EREG: variants seen among roughly 807,000 people sequenced by gnomAD.
The protein encoded by EREG is epiregulin, also known as proepiregulin.
In EREG, 23 loss-of-function variants were observed where a neutral mutation model predicts 22.4. That is an observed-to-expected ratio of 1.03 (90% CI 0.74 to 1.46). The LOEUF (loss-of-function observed/expected upper bound fraction) is 1.46, where lower values mean the gene tolerates loss of function less well. Among genes scored for constraint, EREG ranks in the 40% most tolerant of loss-of-function variants. The probability of loss-of-function intolerance (pLI) is 0.00; values close to 1 mark genes in which losing one functional copy is unlikely to be tolerated. For missense variants in EREG, 226 were observed against 205.9 expected (o/e 1.10, Z -0.60); for synonymous variants, 100 against 75.4 (o/e 1.33, Z -1.69).
intron 1 of EREG, among the ~76,000 whole-genome samples, chr4:74,370,026 G>A (rs867676692): frequency 6.6e-5 from 10 of 152,100 alleles, no homozygotes; most frequent in Non-Finnish European, 1.3e-4. Context: ...TTTTACAAAT[G>A]AGGAAACAGG....
intron 4 of EREG, among the ~76,000 whole-genome samples, chr4:74,383,887 G>C (rs988825588): frequency 2.0e-5 from 3 of 152,058 alleles, no homozygotes; most frequent in African/African-American, 7.2e-5. Flanking sequence ...TTTATAGATG[G>C]GGCACTGAGG....
chr4:74,374,375 T>C (rs917799610), intron 1 of EREG, among the ~76,000 whole-genome samples: 8 of 152,068 alleles, frequency 5.3e-5, no homozygotes, highest in Non-Finnish European at 1.0e-4. Context: ...AGTGCAATCC[T>C]TAGGAAGCAA....
chr4:74,366,199 T>C (rs983968119), intron 1 of EREG, among the ~76,000 whole-genome samples: 2 of 152,186 alleles, frequency 1.3e-5, no homozygotes, highest in Non-Finnish European at 2.9e-5. Context: ...TTCCAATTCC[T>C]TAAACTTCAG....
chr4:74,374,550 T>A (rs1752346133), intron 1 of EREG, among the ~76,000 whole-genome samples: 2 of 152,176 alleles, frequency 1.3e-5, no homozygotes, highest in African/African-American at 4.8e-5. Context: ...AAAATAAATA[T>A]AAATAAAAAT....
intron 1 of EREG, among the ~76,000 whole-genome samples, chr4:74,367,171 C>G (rs1038596834): frequency 3.3e-5 from 5 of 152,222 alleles, no homozygotes; most frequent in Non-Finnish European, 5.9e-5. Context: ...AGCCTCCACC[C>G]TTAACACATA....
At chr4:74,367,885 T>C (rs1039872165) in intron 1 of EREG, among the ~76,000 whole-genome samples, 4 of 152,002 alleles carry the variant, frequency 2.6e-5, no homozygotes, top group Non-Finnish European at 4.4e-5. Flanking sequence ...AATCCAGGAG[T>C]TGAGAAGAAA....
intron 1 of EREG, among the ~76,000 whole-genome samples, chr4:74,378,299 G>T (rs1156312133): frequency 6.6e-6 from 1 of 151,998 alleles, no homozygotes; most frequent in Non-Finnish European, 1.5e-5. Flanking sequence ...ACGCACCCTA[G>T]GCCAATAAGC....
At chr4:74,370,461 G>A (rs1381316173) in intron 1 of EREG, among the ~76,000 whole-genome samples, 1 of 152,146 alleles carries the variant, frequency 6.6e-6, no homozygotes, top group Non-Finnish European at 1.5e-5. Flanking sequence ...GATATTTTGA[G>A]AAGCAAAATA....
At chr4:74,369,923 A>G in intron 1 of EREG, among the ~76,000 whole-genome samples, 1 of 152,060 alleles carries the variant, frequency 6.6e-6, no homozygotes, top group East Asian at 1.9e-4. Flanking sequence ...TTAAAATTAG[A>G]GCTGTCATCA....
At chr4:74,382,198 G>A (rs1752489695) in intron 3 of EREG, among the ~76,000 whole-genome samples, 1 of 151,968 alleles carries the variant, frequency 6.6e-6, no homozygotes, top group African/African-American at 2.4e-5. Flanking sequence ...TACTCAGGAG[G>A]CTGAGATAGG....
chr4:74,373,980 A>G (rs1752337835), intron 1 of EREG, among the ~76,000 whole-genome samples: 4 of 152,212 alleles, frequency 2.6e-5, no homozygotes, highest in Admixed American at 2.0e-4. Flanking sequence ...CAACAAGCCT[A>G]TTACGTTATA....
chr4:74,378,204 T>C (rs1479573163), intron 1 of EREG, among the ~76,000 whole-genome samples: 1 of 152,184 alleles, frequency 6.6e-6, no homozygotes, highest in African/African-American at 2.4e-5. Context: ...AGATAGGATA[T>C]ATTCTGATTT....
At position 74,385,641 on chromosome 4, in the gene EREG, C is replaced by A; in HGVS notation, c.*833C>A. The A allele has an allele frequency of 2.9e-6, 1 of 343,614 alleles. No homozygotes were observed. The highest frequency in any genetic ancestry group is 5.2e-6 in the Non-Finnish European group (1 of 191,882). The allele number at this position is 343,614 out of a possible 1,614,324, so 21.3% of individuals were successfully genotyped here. ...ATTAGAAAAAAGTCCACACTTGAAG[C>A]CTAAATTTGTGCTTTTTAAGAATAT... On this transcript the variant is annotated 3_prime_UTR_variant, in exon 5 of 5. Coordinates refer to ENST00000244869, the MANE Select transcript of EREG (RefSeq NM_001432.3).
At position 74,376,648 on chromosome 4, in the gene EREG, T is replaced by C. The variant is rs111995999; in HGVS notation, c.68-2800T>C. Among the ~76,000 whole-genome samples, 167 of 152,330 alleles carry C rather than the reference T, an allele frequency of 1.1e-3. 1 individual carries two copies. Among genetic ancestry groups the C allele is most frequent in the African/African-American group, 3.8e-3 (157 of 41,580 alleles). On this transcript the variant is annotated intron_variant, in intron 1 of 4. Coordinates refer to ENST00000244869, the MANE Select transcript of EREG (RefSeq NM_001432.3). ...ATTTTTTGTAGTTCCACAAGAGCAATTGAAGCAGCATTTATATTGTAGAAA... is the reference window on the plus strand; with the variant it reads ...ATTTTTTGTAGTTCCACAAGAGCAACTGAAGCAGCATTTATATTGTAGAAA...
At chr4:74,383,609 TC>T (rs1455478030) in intron 4 of EREG, among the ~76,000 whole-genome samples, 1 of 152,126 alleles carries the variant, frequency 6.6e-6, no homozygotes, top group Non-Finnish European at 1.5e-5. Flanking sequence ...TAATAACAGT[TC>T]CCTTTAAAAT....
At chr4:74,368,802 A>T (rs1381706808) in intron 1 of EREG, among the ~76,000 whole-genome samples, 1 of 152,188 alleles carries the variant, frequency 6.6e-6, no homozygotes, top group African/African-American at 2.4e-5. Context: ...GCTGCTGGGA[A>T]CATTCCATCG....
At chr4:74,366,171 T>C (rs1484610348) in intron 1 of EREG, among the ~76,000 whole-genome samples, 1 of 151,522 alleles carries the variant, frequency 6.6e-6, no homozygotes, top group Non-Finnish European at 1.5e-5. Context: ...GCCTTTCTGT[T>C]AAAAAAAAAT....
At chr4:74,371,224 CCACCCATACTT>C (rs934905591) in intron 1 of EREG, among the ~76,000 whole-genome samples, 1 of 152,036 alleles carries the variant, frequency 6.6e-6, no homozygotes, top group African/African-American at 2.4e-5. Context: ...TTACACATTG[CCACCCATACTT>C]CACAGTTTGG....
intron 2 of EREG, among the ~76,000 whole-genome samples, chr4:74,380,576 T>C (rs1053089687): frequency 1.3e-5 from 2 of 152,168 alleles, no homozygotes; most frequent in African/African-American, 4.8e-5. Flanking sequence ...AAATCCACTG[T>C]AGAATTAAGC....
Sources: gnomAD v4.1 joint callset for allele counts (sites outside exome capture counted in the v4.1 genomes callset) on GRCh38, gnomAD v4.1.1 for gene constraint, MANE v1.5 for transcripts, NCBI Gene and HGNC (gene_info 2026-07-23, HGNC 2026-07-21) for gene names.